The following GAPVD1 variants were observed in gnomAD, a reference collection of about 807,000 sequenced individuals.
The protein encoded by GAPVD1 is GTPase-activating protein and VPS9 domain-containing protein 1.
Under a neutral mutation model 155.5 loss-of-function variants are expected in GAPVD1, and 35 were observed. The observed-to-expected ratio is 0.23, with a 90% confidence interval of 0.17 to 0.30. GAPVD1 has a LOEUF of 0.30. Among genes scored for constraint, GAPVD1 ranks in the 10% least tolerant of loss-of-function variants. GAPVD1 has a pLI of 1.00. For synonymous variants in GAPVD1, 636 were observed against 619.7 expected, an observed-to-expected ratio of 1.03 and a Z score of -0.39; for missense variants, 1,429 against 1,775.7, an observed-to-expected ratio of 0.80 and a Z score of 3.51.
At chr9:125,361,552 C>G (rs1025141903) in intron 27 of GAPVD1, among the ~76,000 whole-genome samples, 3 of 151,354 alleles carry the variant, frequency 2.0e-5, no homozygotes, top group South Asian at 2.1e-4. Flanking sequence ...GCCTGAAGTT[C>G]TTAGTTGGGG....
At chr9:125,349,219 A>G (rs961699898) in intron 20 of GAPVD1, among the ~76,000 whole-genome samples, 171 bp from the exon 21 acceptor site, 1 of 152,218 alleles carries the variant, frequency 6.6e-6, no homozygotes, top group African/African-American at 2.4e-5. Context: ...AATTGTTGCT[A>G]TTGATAATTC....
At chr9:125,360,472 C>G in intron 26 of GAPVD1, 56 bp from the exon 27 acceptor site, 1 of 1,418,936 alleles carries the variant, frequency 7.0e-7, no homozygotes, top group Non-Finnish European at 1.0e-6. Flanking sequence ...GCAGTAGTCA[C>G]TGCGCAGGGT....
At chr9:125,354,947 T>A in intron 24 of GAPVD1, 106 bp downstream of exon 24, 1 of 668,254 alleles carries the variant, frequency 1.5e-6, no homozygotes, top group Non-Finnish European at 2.6e-6. Context: ...CTGCATGCCT[T>A]AAATACCCAA....
chr9:125,334,561 T>A (rs1283635976), intron 15 of GAPVD1, among the ~76,000 whole-genome samples: 1 of 152,148 alleles, frequency 6.6e-6, no homozygotes, highest in Non-Finnish European at 1.5e-5. Context: ...ATAAACTGTA[T>A]TTCTTATGAA....
At chr9:125,262,593 A>AT (rs1167353008) in intron 1 of GAPVD1, among the ~76,000 whole-genome samples, 1 of 152,210 alleles carries the variant, frequency 6.6e-6, no homozygotes, top group Non-Finnish European at 1.5e-5. Flanking sequence ...ATAAATGTGC[A>AT]TAAAAACAGG....
chr9:125,307,845 C>T lies in GAPVD1; in HGVS notation c.1406C>T (p.Thr469Ile). 1 of 1,612,568 alleles carries T rather than the reference C, an allele frequency of 6.2e-7. No individual in the cohort carries two copies. The highest frequency in any genetic ancestry group is 8.5e-7 in the Non-Finnish European group (1 of 1,178,610). ...AATACACCTCAGCTATCTCCAGCAACCACTCCAGCAAATAAAAAGAATCGA... is the reference window on the plus strand; with the variant it reads ...AATACACCTCAGCTATCTCCAGCAATCACTCCAGCAAATAAAAAGAATCGA... ...PYNTPQLSPA[T>I]TPANKKNRLP... is the part of the protein sequence containing the mutation. The change falls in exon 8 of 28, where the codon ACC becomes ATC. Residue 469 changes from threonine to isoleucine, a missense_variant. Transcript: ENST00000297933.
rs746246666 is a variant in GAPVD1, at chr9:125,342,312, A to C, written c.3046+13A>C. Reference sequence around the variant, plus strand: ...TCAACACTCACAGGTTTGTAGACCCATGGACTTCCTGGCTCCTTCATTCCC... The same window carrying C: ...TCAACACTCACAGGTTTGTAGACCCCTGGACTTCCTGGCTCCTTCATTCCC... On this transcript the variant is annotated intron_variant, in intron 19 of 27. Transcript: ENST00000297933. 1 of 1,437,538 alleles carries C rather than the reference A, an allele frequency of 7.0e-7. No homozygotes were observed. The highest frequency in any genetic ancestry group is 9.8e-7 in the Non-Finnish European group (1 of 1,020,006). 89.0% of individuals were successfully genotyped at this position (1,437,538 alleles called of 1,614,324 possible).
At chr9:125,354,326 C>G (rs1849746294) in intron 23 of GAPVD1, among the ~76,000 whole-genome samples, 1 of 152,064 alleles carries the variant, frequency 6.6e-6, no homozygotes, top group Non-Finnish European at 1.5e-5. Context: ...GTATGAGGTC[C>G]TATAGCTCCA....
intron 8 of GAPVD1, among the ~76,000 whole-genome samples, chr9:125,311,908 T>C (rs796785681): frequency 5.9e-5 from 9 of 152,066 alleles, no homozygotes; most frequent in African/African-American, 2.2e-4. Flanking sequence ...TTAGTAGAGA[T>C]GGGGTTTCAC....
rs116158534 is a variant in GAPVD1, at chr9:125,346,439, A to G, written c.3047-380A>G. ...AGTTTTTTTTCCTCCTTCAGCATAG[A>G]GATGTCTGAATAAATGAAGTCTGCA... On this transcript the variant is annotated intron_variant, in intron 19 of 27. Transcript: ENST00000297933. 850 of 265,248 alleles carry G rather than the reference A, an allele frequency of 3.2e-3. 10 individuals carry two copies. The highest frequency in any genetic ancestry group is 0.018 in the African/African-American group (827 of 45,198). The allele number at this position is 265,248 out of a possible 1,614,324, so 16.4% of individuals were successfully genotyped here.
intron 2 of GAPVD1, among the ~76,000 whole-genome samples, chr9:125,275,411 A>G (rs572430782): frequency 9.2e-5 from 14 of 152,270 alleles, no homozygotes; most frequent in Admixed American, 8.5e-4. Flanking sequence ...ATCTTTCTAC[A>G]TGGTTTGAGT....
intron 8 of GAPVD1, chr9:125,309,905 C>G (rs1423035563): frequency 2.2e-6 from 1 of 450,100 alleles, no homozygotes. Context: ...GATTTTCTTT[C>G]TATTTAATGC....
chr9:125,312,082 G>A (rs10986697), intron 8 of GAPVD1, among the ~76,000 whole-genome samples: 1,969 of 152,190 alleles, frequency 0.013, 104 homozygotes, highest in East Asian at 0.088. Flanking sequence ...TCAATTTATA[G>A]GAAAAATAGT....
chr9:125,330,756 T>C (rs1038532446), intron 13 of GAPVD1, among the ~76,000 whole-genome samples: 2 of 152,242 alleles, frequency 1.3e-5, no homozygotes, highest in African/African-American at 4.8e-5. Flanking sequence ...TTTCAGACTC[T>C]GTGTTGAGTT....
At position 125,294,669 on chromosome 9, in the gene GAPVD1, T is replaced by C. The variant is rs929522212; in HGVS notation, c.-149-789T>C. The stretch of plus-strand genomic sequence containing the variant: ...CTAAAATGGTTTTTTTTTTTTTTTT[T>C]CAAACTTTCCTATGGTGCTGAGAGA... On this transcript the variant is annotated intron_variant, in intron 2 of 27. Transcript: ENST00000297933. 1.7e-3 allele frequency among the ~76,000 whole-genome samples: 263 copies of C among 150,566 alleles called. 1 individual carries two copies. Among genetic ancestry groups the C allele is most frequent in the African/African-American group, 5.9e-3 (239 of 40,650 alleles).
chr9:125,269,084 G>A (rs1834454648), intron 2 of GAPVD1, 100 bp downstream of exon 2: 1 of 149,374 alleles, frequency 6.7e-6, no homozygotes, highest in Non-Finnish European at 1.5e-5. Context: ...CTTTTTTTTT[G>A]AGACATATTC....
chr9:125,326,289 G>A (rs539481143), intron 11 of GAPVD1, 127 bp from the exon 12 acceptor site: 62 of 621,096 alleles, frequency 1.0e-4, no homozygotes, highest in South Asian at 8.1e-4. Flanking sequence ...AGGCCGAGGC[G>A]GGCGGATCAC....
intron 4 of GAPVD1, among the ~76,000 whole-genome samples, chr9:125,300,434 C>T (rs902147127): frequency 2.0e-5 from 3 of 151,868 alleles, no homozygotes; most frequent in African/African-American, 7.3e-5. Context: ...CCCCCTCGGC[C>T]TCCCAAAGTG....
chr9:125,273,438 C>T lies in GAPVD1; in HGVS notation c.-150+4454C>T, dbSNP rs79652287. Among the ~76,000 whole-genome samples, 41 of 150,634 alleles carry T rather than the reference C, an allele frequency of 2.7e-4. 1 individual carries two copies. Among genetic ancestry groups the T allele is most frequent in the Admixed American group, 1.1e-3 (16 of 15,102 alleles). ...CTTGTCTTGAGTGTTTCAGTAATTGCACTAGTAGGTCTTCAGCAGGGAAGA... is the reference window on the plus strand; with the variant it reads ...CTTGTCTTGAGTGTTTCAGTAATTGTACTAGTAGGTCTTCAGCAGGGAAGA... On this transcript the variant is annotated intron_variant, in intron 2 of 27. Coordinates refer to ENST00000297933, the MANE Select transcript of GAPVD1 (RefSeq NM_001282680.3).
Sources: allele counts gnomAD v4.1 joint callset (sites outside exome capture counted in the v4.1 genomes callset), GRCh38; gene constraint gnomAD v4.1.1; transcripts MANE v1.5; gene names NCBI Gene and HGNC (gene_info 2026-07-23, HGNC 2026-07-21).